Variants in CCDC7 observed in about 807,000 individuals in gnomAD.
The protein encoded by CCDC7 is coiled-coil domain-containing protein 7.
A neutral mutation model predicts 196.9 loss-of-function variants in CCDC7; 183 were observed. That is an observed-to-expected ratio of 0.93 (90% CI 0.82 to 1.05). CCDC7 has a LOEUF of 1.05. CCDC7 is among the 50% of genes least tolerant of loss of function. The pLI is 0.00. For missense variants in CCDC7, 1,540 were observed against 1,482.2 expected (o/e 1.04, Z -0.64); for synonymous variants, 525 against 484.6 (o/e 1.08, Z -1.10).
chr10:32,655,156 T>G (rs2069555813), intron 20 of CCDC7, among the ~76,000 whole-genome samples: 1 of 152,178 alleles, frequency 6.6e-6, no homozygotes, highest in Non-Finnish European at 1.5e-5. Context: ...TTTTGCCCTC[T>G]CTAGGGGTTG....
intron 18 of CCDC7, among the ~76,000 whole-genome samples, chr10:32,611,374 T>A (rs1328979135): frequency 6.6e-6 from 1 of 152,230 alleles, no homozygotes; most frequent in African/African-American, 2.4e-5. Flanking sequence ...GTAGATTGCC[T>A]GTTCACTCTG....
chr10:32,797,471 C>T (rs967037007), intron 29 of CCDC7, among the ~76,000 whole-genome samples: 2 of 151,740 alleles, frequency 1.3e-5, no homozygotes, highest in African/African-American at 4.8e-5. Context: ...TACGAGGATG[C>T]AAAGGCATAA....
chr10:32,851,927 CT>C lies in CCDC7; in HGVS notation c.4018del (p.Ser1340GlnfsTer9). Reference sequence around the variant, plus strand: ...CACCTTCCTTTACTGAATCAACTCCCTTCAGGTAATTTTTAATATTTTTAGT... The same window carrying C: ...CACCTTCCTTTACTGAATCAACTCCCTCAGGTAATTTTTAATATTTTTAGT... On this transcript the variant is annotated frameshift_variant, in exon 40 of 42. Transcript: ENST00000639629. LOFTEE classifies it high-confidence loss of function. The C allele has an allele frequency of 6.3e-7, 1 of 1,588,030 alleles. No homozygotes were observed.
intron 29 of CCDC7, among the ~76,000 whole-genome samples, chr10:32,786,743 A>C (rs1379514957): frequency 2.6e-5 from 4 of 152,212 alleles, no homozygotes; most frequent in Non-Finnish European, 5.9e-5. Flanking sequence ...CCTGGGCAAC[A>C]GAGTGAGACT....
intron 13 of CCDC7, among the ~76,000 whole-genome samples, chr10:32,563,565 A>G (rs1192514758): frequency 1.3e-5 from 2 of 152,230 alleles, no homozygotes. Flanking sequence ...TTCCCTATTT[A>G]ATAAATGGTG....
chr10:32,704,022 G>A (rs749045390), intron 24 of CCDC7, among the ~76,000 whole-genome samples: 2 of 152,140 alleles, frequency 1.3e-5, no homozygotes, highest in Non-Finnish European at 2.9e-5. Flanking sequence ...ACTCGTCAAA[G>A]TCATTCTCCA....
intron 41 of CCDC7, among the ~76,000 whole-genome samples, chr10:32,863,533 TG>T (rs991032997): frequency 6.6e-6 from 1 of 151,934 alleles, no homozygotes; most frequent in Non-Finnish European, 1.5e-5. Flanking sequence ...TTTAATTTTT[TG>T]TAGAGACAGG....
intron 41 of CCDC7, among the ~76,000 whole-genome samples, chr10:32,856,968 G>A (rs1261753195): frequency 6.6e-6 from 1 of 152,006 alleles, no homozygotes; most frequent in African/African-American, 2.4e-5. Flanking sequence ...ACAAGACACT[G>A]AGCCCCAGAC....
intron 25 of CCDC7, among the ~76,000 whole-genome samples, chr10:32,725,846 C>T (rs534421744): frequency 2.0e-5 from 3 of 152,266 alleles, no homozygotes; most frequent in Middle Eastern, 6.8e-3. Context: ...TCCCACCAGG[C>T]AATACCTCCA....
At chr10:32,686,658 C>T (rs555681578) in intron 22 of CCDC7, among the ~76,000 whole-genome samples, 1 of 152,280 alleles carries the variant, frequency 6.6e-6, no homozygotes, top group East Asian at 1.9e-4. Context: ...GTTGCTTGGC[C>T]TCTTGTGTAT....
chr10:32,806,859 T>C (rs2085953812), intron 30 of CCDC7, among the ~76,000 whole-genome samples: 1 of 151,952 alleles, frequency 6.6e-6, no homozygotes, highest in African/African-American at 2.4e-5. Flanking sequence ...AGAGAAAAGC[T>C]TAAAAGCAGC....
rs185450250 is a variant in CCDC7, at chr10:32,623,714, T to C, written c.1802-10540T>C. On this transcript the variant is annotated intron_variant, in intron 18 of 41. Transcript: ENST00000639629. The stretch of plus-strand genomic sequence containing the variant: ...GAGGTCTTATTTTGTCTCATGGTTC[T>C]GTAGGCAGTACAAGAAACATGGTGC... 1.5e-5 allele frequency: 7 copies of C among 469,154 alleles called. 1 individual carries two copies. Among genetic ancestry groups the C allele is most frequent in the Admixed American group, 2.3e-5 (1 of 42,582 alleles). The allele number at this position is 469,154 out of a possible 1,614,324, so 29.1% of individuals were successfully genotyped here. A position where few individuals can be genotyped will look rare whatever the true frequency, so the allele number is the denominator to read the frequency against.
chr10:32,649,724 C>A (rs2068392930), intron 20 of CCDC7, among the ~76,000 whole-genome samples: 1 of 152,116 alleles, frequency 6.6e-6, no homozygotes, highest in South Asian at 2.1e-4. Context: ...TAATTGTTTT[C>A]TTTATTTTTG....
At chr10:32,794,756 C>T (rs540705311) in intron 29 of CCDC7, among the ~76,000 whole-genome samples, 1 of 152,148 alleles carries the variant, frequency 6.6e-6, no homozygotes, top group Admixed American at 6.5e-5. Context: ...GTCCTTTGCC[C>T]ATATTTTAAT....
chr10:32,643,412 T>C (rs1439877844), intron 20 of CCDC7, among the ~76,000 whole-genome samples: 2 of 152,114 alleles, frequency 1.3e-5, no homozygotes, highest in Admixed American at 6.5e-5. Context: ...ACATAGCTTG[T>C]AAATCACCTA....
At chr10:32,675,379 T>C (rs535506424) in intron 21 of CCDC7, among the ~76,000 whole-genome samples, 30 of 148,712 alleles carry the variant, frequency 2.0e-4, no homozygotes, top group Non-Finnish European at 2.1e-4. Context: ...TGTTAACAAC[T>C]TAACTTCAAT....
At chr10:32,505,188 A>T (rs2044702184) in intron 9 of CCDC7, among the ~76,000 whole-genome samples, 1 of 150,682 alleles carries the variant, frequency 6.6e-6, no homozygotes, top group African/African-American at 2.4e-5. Flanking sequence ...TTATTTATTT[A>T]TTTATTTTTT....
intron 11 of CCDC7, among the ~76,000 whole-genome samples, chr10:32,537,986 G>A (rs2050790500): frequency 1.3e-5 from 2 of 151,930 alleles, no homozygotes; most frequent in Non-Finnish European, 2.9e-5. Context: ...CTCTTTTTTG[G>A]TTCCTTACGC....
intron 21 of CCDC7, among the ~76,000 whole-genome samples, chr10:32,675,080 T>C (rs978903595): frequency 5.9e-5 from 9 of 152,138 alleles, no homozygotes; most frequent in African/African-American, 1.9e-4. Flanking sequence ...ATGTTAACTT[T>C]AACCTATTTA....
Sources: gnomAD v4.1 joint callset for allele counts (sites outside exome capture counted in the v4.1 genomes callset) on GRCh38, gnomAD v4.1.1 for gene constraint, MANE v1.5 for transcripts, NCBI Gene and HGNC (gene_info 2026-07-23, HGNC 2026-07-21) for gene names.